Variants in TXNDC9 observed in about 807,000 individuals in gnomAD.
TXNDC9 encodes thioredoxin domain-containing protein 9.
Under a neutral mutation model 23.0 loss-of-function variants are expected in TXNDC9, and 7 were observed. The observed-to-expected ratio is 0.30, with a 90% confidence interval of 0.17 to 0.57. TXNDC9 has a LOEUF of 0.57. Ranked by LOEUF, TXNDC9 falls within the 20% of genes least tolerant of loss-of-function variation. The pLI is 0.90. For synonymous variants in TXNDC9, 72 were observed against 90.6 expected (o/e 0.79, Z 1.17); for missense variants, 198 against 252.6 (o/e 0.78, Z 1.47).
intron 1 of TXNDC9, 104 bp downstream of exon 1, chr2:99,336,135 G>C (rs1007416991): frequency 3.2e-6 from 3 of 942,700 alleles, no homozygotes; most frequent in Non-Finnish European, 3.8e-6. Context: ...CACCGACACC[G>C]GTGCTGGGGC....
intron 3 of TXNDC9, among the ~76,000 whole-genome samples, chr2:99,323,343 G>C (rs557000846): frequency 3.3e-5 from 5 of 151,996 alleles, no homozygotes; most frequent in Non-Finnish European, 7.4e-5. Context: ...GGAGGTGGAG[G>C]CTGCAGTGAG....
chr2:99,306,212 A>G, the TXNDC9 span, among the ~76,000 whole-genome samples: 1 of 146,644 alleles, frequency 6.8e-6, no homozygotes. Flanking sequence ...AGTAAAAAAC[A>G]CACAAAAAAG....
At chr2:99,317,051 C>T (rs7593968), downstream of TXNDC9, among the ~76,000 whole-genome samples, 704 of 152,300 alleles carry the variant, frequency 4.6e-3, 6 homozygotes, top group African/African-American at 0.016. Flanking sequence ...CTACCGCGCC[C>T]AGCCTATTTG....
At chr2:99,308,937 C>T in the TXNDC9 span, among the ~76,000 whole-genome samples, 4 of 151,870 alleles carry the variant, frequency 2.6e-5, no homozygotes. Context: ...CTCCTGACCT[C>T]GTGATCCGCC....
At chr2:99,318,286 T>G (rs1164289400), downstream of TXNDC9, among the ~76,000 whole-genome samples, 1 of 152,178 alleles carries the variant, frequency 6.6e-6, no homozygotes, top group African/African-American at 2.4e-5. Flanking sequence ...TCCAACGTAT[T>G]TGGTGGCACC....
At position 99,333,233 on chromosome 2, in the gene TXNDC9, A is replaced by G; in HGVS notation, c.-23T>C. The G allele has an allele frequency of 6.2e-7, 1 of 1,600,860 alleles. No homozygotes were observed. Among genetic ancestry groups the G allele is most frequent in the Non-Finnish European group, 8.5e-7 (1 of 1,172,220 alleles). On this transcript the variant is annotated 5_prime_UTR_variant, in exon 2 of 5. Coordinates refer to ENST00000264255, the MANE Select transcript of TXNDC9 (RefSeq NM_005783.4). ...CATTCTTCCAAATGGTACAGAGTTC[A>G]GCCTGGGTGCTGGGGAGAAGATTTA...
intron 3 of TXNDC9, among the ~76,000 whole-genome samples, chr2:99,326,086 CTCA>C (rs1042343403): frequency 6.6e-6 from 1 of 151,950 alleles, no homozygotes; most frequent in Non-Finnish European, 1.5e-5. Flanking sequence ...TATATATCAC[CTCA>C]TCATATTTGT....
the TXNDC9 span, among the ~76,000 whole-genome samples, chr2:99,311,250 G>A: frequency 6.6e-6 from 1 of 151,992 alleles, no homozygotes; most frequent in Non-Finnish European, 1.5e-5. Flanking sequence ...TTTATCTTTT[G>A]TGGAGATGGG....
At chr2:99,333,812 G>T (rs2094231632) in intron 1 of TXNDC9, among the ~76,000 whole-genome samples, 1 of 152,130 alleles carries the variant, frequency 6.6e-6, no homozygotes, top group South Asian at 2.1e-4. Context: ...GGTGTTCCCT[G>T]AGCATTAATG....
intron 3 of TXNDC9, chr2:99,322,582 G>A (rs1451023784): frequency 6.5e-7 from 1 of 1,531,558 alleles, no homozygotes. Flanking sequence ...GTGCACACAT[G>A]GTGCCATATT....
At chr2:99,315,121 G>A (rs918337317), downstream of TXNDC9, among the ~76,000 whole-genome samples, 1 of 148,968 alleles carries the variant, frequency 6.7e-6, no homozygotes, top group Non-Finnish European at 1.5e-5. Flanking sequence ...GGAGTGCAGT[G>A]GCGCGATCTT....
intron 3 of TXNDC9, among the ~76,000 whole-genome samples, chr2:99,327,069 ACT>A (rs2094214090): frequency 6.6e-6 from 1 of 152,018 alleles, no homozygotes; most frequent in Non-Finnish European, 1.5e-5. Flanking sequence ...ATAACAATTA[ACT>A]TTTTTTTTCT....
At chr2:99,330,624 C>A (rs546969713) in intron 2 of TXNDC9, among the ~76,000 whole-genome samples, 3 of 152,306 alleles carry the variant, frequency 2.0e-5, no homozygotes, top group African/African-American at 7.2e-5. Context: ...TATTTCTTAC[C>A]TTATCCCTCT....
At chr2:99,334,570 A>T (rs1378401240) in intron 1 of TXNDC9, among the ~76,000 whole-genome samples, 1 of 152,238 alleles carries the variant, frequency 6.6e-6, no homozygotes, top group Non-Finnish European at 1.5e-5. Flanking sequence ...GACAACTGTA[A>T]CATAATGGCA....
At chr2:99,310,550 C>G in the TXNDC9 span, among the ~76,000 whole-genome samples, 1 of 152,106 alleles carries the variant, frequency 6.6e-6, no homozygotes, top group Admixed American at 6.6e-5. Flanking sequence ...AACCTATGTA[C>G]ATGTTAAGTT....
the TXNDC9 span, among the ~76,000 whole-genome samples, chr2:99,312,594 A>G: frequency 1.3e-5 from 2 of 152,334 alleles, no homozygotes; most frequent in East Asian, 1.9e-4. Context: ...CTGTGATGAC[A>G]TAAGAAAATG....
chr2:99,322,235 T>G (rs1289559148), intron 3 of TXNDC9, 26 bp from the exon 4 acceptor site: 2 of 1,592,002 alleles, frequency 1.3e-6, no homozygotes, highest in Admixed American at 3.6e-5. Context: ...CATAGAAAAT[T>G]ATAAGCTAAA....
At chr2:99,327,142 C>T (rs976952260) in intron 3 of TXNDC9, among the ~76,000 whole-genome samples, 39 of 152,208 alleles carry the variant, frequency 2.6e-4, no homozygotes, top group African/African-American at 8.7e-4. Flanking sequence ...TCGCGATCTC[C>T]GCTCACTGCA....
chr2:99,316,351 T>G (rs1035145522), downstream of TXNDC9, among the ~76,000 whole-genome samples: 7 of 152,034 alleles, frequency 4.6e-5, no homozygotes, highest in Non-Finnish European at 7.4e-5. Context: ...TTAAAAATTT[T>G]TTGTAGAGAT....
Sources: gnomAD v4.1 joint callset for allele counts (sites outside exome capture counted in the v4.1 genomes callset) on GRCh38, gnomAD v4.1.1 for gene constraint, MANE v1.5 for transcripts, NCBI Gene and HGNC (gene_info 2026-07-23, HGNC 2026-07-21) for gene names.